TRAPPC9: variants seen among roughly 807,000 people sequenced by gnomAD.
The protein encoded by TRAPPC9 is IKK2 binding protein.
A neutral mutation model predicts 124.0 loss-of-function variants in TRAPPC9; 83 were observed. The ratio of observed to expected loss-of-function variants is 0.67; its 90% CI spans 0.56 to 0.80. TRAPPC9 has a LOEUF of 0.80. Ranked by LOEUF, TRAPPC9 falls within the 30% of genes least tolerant of loss-of-function variation. TRAPPC9 has a pLI of 0.00. For synonymous variants in TRAPPC9, 638 were observed against 617.5 expected (o/e 1.03, Z -0.49); for missense variants, 1,302 against 1,508.3 (o/e 0.86, Z 2.27).
intron 5 of TRAPPC9, among the ~76,000 whole-genome samples, chr8:140,410,187 C>T (rs1441013278): frequency 6.8e-6 from 1 of 147,114 alleles, no homozygotes; most frequent in Non-Finnish European, 1.5e-5. Context: ...GGAAGTGGCA[C>T]TTCTCTGGGT....
At chr8:139,810,394 G>A (rs566955051) in intron 21 of TRAPPC9, among the ~76,000 whole-genome samples, 1 of 152,308 alleles carries the variant, frequency 6.6e-6, no homozygotes, top group East Asian at 1.9e-4. Flanking sequence ...GCGAGCCAGG[G>A]TCCAGCCGGA....
chr8:140,265,388 A>G (rs894456718), intron 15 of TRAPPC9, among the ~76,000 whole-genome samples: 6 of 152,250 alleles, frequency 3.9e-5, no homozygotes, highest in Non-Finnish European at 8.8e-5. Flanking sequence ...TTCCCCTCTG[A>G]TGCCAACCAA....
chr8:140,384,122 G>A (rs963693702), intron 7 of TRAPPC9, among the ~76,000 whole-genome samples: 2 of 151,948 alleles, frequency 1.3e-5, no homozygotes, highest in Non-Finnish European at 2.9e-5. Context: ...CTGAGATTTT[G>A]TCACCACCAG....
intron 19 of TRAPPC9, among the ~76,000 whole-genome samples, chr8:139,922,183 T>G (rs1161632559): frequency 7.1e-6 from 1 of 141,640 alleles, no homozygotes; most frequent in African/African-American, 2.8e-5. Context: ...AATGGTTTGG[T>G]GTTTTTTTTT....
chr8:140,127,375 G>T (rs557637010), intron 17 of TRAPPC9, among the ~76,000 whole-genome samples: 13 of 152,310 alleles, frequency 8.5e-5, no homozygotes, highest in African/African-American at 3.1e-4. Flanking sequence ...GGAAGAAACA[G>T]AATTAAATTT....
intron 21 of TRAPPC9, among the ~76,000 whole-genome samples, chr8:139,803,529 C>T (rs1188573604): frequency 6.6e-6 from 1 of 152,262 alleles, no homozygotes; most frequent in Non-Finnish European, 1.5e-5. Flanking sequence ...GCAGTCAGAC[C>T]ATAAGCCCAC....
intron 17 of TRAPPC9, among the ~76,000 whole-genome samples, chr8:140,089,497 A>G (rs59381089): frequency 0.052 from 7,858 of 152,200 alleles, 289 homozygotes; most frequent in African/African-American, 0.088. Flanking sequence ...GCCCCATACA[A>G]ATTTATGCCA....
chr8:140,359,729 A>T (rs2067880062), intron 9 of TRAPPC9, among the ~76,000 whole-genome samples: 1 of 152,176 alleles, frequency 6.6e-6, no homozygotes, highest in African/African-American at 2.4e-5. Flanking sequence ...TTATATTTTT[A>T]AAAAGGCAGG....
At chr8:140,034,418 G>A (rs1022774689) in intron 17 of TRAPPC9, among the ~76,000 whole-genome samples, 4 of 152,120 alleles carry the variant, frequency 2.6e-5, no homozygotes, top group African/African-American at 9.7e-5. Context: ...ATCACCTAGG[G>A]AGTCTCTGTG....
intron 21 of TRAPPC9, among the ~76,000 whole-genome samples, chr8:139,861,978 T>C (rs1463857882): frequency 6.6e-6 from 1 of 152,222 alleles, no homozygotes; most frequent in African/African-American, 2.4e-5. Context: ...CCAAAGAGCC[T>C]TGGACACAGA....
intron 20 of TRAPPC9, among the ~76,000 whole-genome samples, chr8:139,900,483 C>A (rs1057145277): frequency 1.3e-5 from 2 of 152,222 alleles, no homozygotes; most frequent in African/African-American, 4.8e-5. Flanking sequence ...GTTAAAGAAG[C>A]CCAGCCTCCT....
intron 21 of TRAPPC9, among the ~76,000 whole-genome samples, chr8:139,735,422 G>A (rs2129985424): frequency 6.6e-6 from 1 of 152,256 alleles, no homozygotes; most frequent in Non-Finnish European, 1.5e-5. Flanking sequence ...CCAGCACAGG[G>A]AGGCTCCAAT....
At chr8:139,939,597 T>C in intron 19 of TRAPPC9, among the ~76,000 whole-genome samples, 1 of 151,946 alleles carries the variant, frequency 6.6e-6, no homozygotes, top group South Asian at 2.1e-4. Context: ...GAAGCACCCC[T>C]GTCGTGGGGC....
At chr8:140,380,295 G>A (rs1408988539) in intron 7 of TRAPPC9, among the ~76,000 whole-genome samples, 1 of 152,192 alleles carries the variant, frequency 6.6e-6, no homozygotes, top group African/African-American at 2.4e-5. Flanking sequence ...CCACAAGAGT[G>A]CCAATGGGGA....
At chr8:140,442,696 A>C (rs2132649610) in intron 2 of TRAPPC9, among the ~76,000 whole-genome samples, 1 of 152,246 alleles carries the variant, frequency 6.6e-6, no homozygotes, top group East Asian at 1.9e-4. Context: ...AGTCCAAAAA[A>C]CAATTTATCT....
intron 21 of TRAPPC9, among the ~76,000 whole-genome samples, chr8:139,882,657 G>A (rs1829745781): frequency 6.6e-6 from 1 of 152,202 alleles, no homozygotes; most frequent in Non-Finnish European, 1.5e-5. Flanking sequence ...AGCACAGGGG[G>A]TAGGAGGGTG....
chr8:139,831,491 G>A (rs901799163), intron 21 of TRAPPC9, among the ~76,000 whole-genome samples: 5 of 152,174 alleles, frequency 3.3e-5, no homozygotes, highest in African/African-American at 1.2e-4. Flanking sequence ...ACACAGGCAT[G>A]CATAAACACA....
chr8:140,124,317 C>T (rs917216574), intron 17 of TRAPPC9, among the ~76,000 whole-genome samples: 1 of 152,182 alleles, frequency 6.6e-6, no homozygotes, highest in Non-Finnish European at 1.5e-5. Context: ...GGCTGTGGCC[C>T]CTTGCTGCAT....
intron 21 of TRAPPC9, among the ~76,000 whole-genome samples, chr8:139,830,976 C>T (rs773562268): frequency 3.9e-5 from 6 of 152,246 alleles, no homozygotes; most frequent in Non-Finnish European, 8.8e-5. Context: ...GACATTTACC[C>T]TGCACACAGC....
Sources: allele counts gnomAD v4.1 joint callset (sites outside exome capture counted in the v4.1 genomes callset), GRCh38; gene constraint gnomAD v4.1.1; transcripts MANE v1.5; gene names NCBI Gene and HGNC (gene_info 2026-07-23, HGNC 2026-07-21).